The following CSMD2 variants were observed in gnomAD, a reference collection of about 807,000 sequenced individuals.
CSMD2 encodes CUB and sushi domain-containing protein 2.
Under a neutral mutation model 398.5 loss-of-function variants are expected in CSMD2, and 130 were observed. That is an observed-to-expected ratio of 0.33 (90% CI 0.28 to 0.38). CSMD2 has a LOEUF of 0.38. CSMD2 is among the 10% of genes least tolerant of loss of function. The pLI is 1.00. For synonymous variants in CSMD2, 1,828 were observed against 1,908.5 expected, an observed-to-expected ratio of 0.96 and a Z score of 1.10; for missense variants, 3,829 against 4,764.9, an observed-to-expected ratio of 0.80 and a Z score of 5.78.
Position 33,709,222 on chromosome 1 carries a change from G to A in CSMD2, c.3443C>T (p.Thr1148Ile). ...CACAGGAAAGTTGGGGGACAGCAAA[G>A]TACCCTGAGTGCCTGTGACTGAATT... Reference protein sequence around the residue: ...CGNSVTGTQGTLLSPNFPVNY... With the variant: ...CGNSVTGTQGILLSPNFPVNY... Residue 1148 changes from threonine to isoleucine, a missense_variant, in exon 22 of 71, where the codon ACT (threonine) becomes ATT (isoleucine). Around this residue, in one of 5 missense-constraint regions of CSMD2, gnomAD observed 2,001 missense variants for 2,567.1 expected, o/e 0.78. Transcript: ENST00000373381. 3 of 1,613,980 alleles carry A rather than the reference G, an allele frequency of 1.9e-6. No homozygotes were observed. The highest frequency in any genetic ancestry group is 2.5e-6 in the Non-Finnish European group (3 of 1,179,942).
At chr1:34,146,633 G>C (rs1639789593) in intron 1 of CSMD2, among the ~76,000 whole-genome samples, 1 of 152,196 alleles carries the variant, frequency 6.6e-6, no homozygotes, top group South Asian at 2.1e-4. Context: ...GCTTGAGAAT[G>C]ATTTGAGAAG....
intron 2 of CSMD2, among the ~76,000 whole-genome samples, chr1:34,040,695 C>T (rs1355313266): frequency 1.6e-4 from 25 of 152,158 alleles, no homozygotes; most frequent in Non-Finnish European, 1.2e-4. Flanking sequence ...CTAAGTAACA[C>T]TTAGTGACAT....
intron 5 of CSMD2, chr1:33,875,382 A>G (rs1640765846): frequency 1.3e-5 from 2 of 152,250 alleles, no homozygotes; most frequent in African/African-American, 4.8e-5. Flanking sequence ...TGTCATGCTC[A>G]TGACTGACAT....
intron 3 of CSMD2, among the ~76,000 whole-genome samples, chr1:33,965,808 A>G (rs1259406473): frequency 6.6e-6 from 1 of 152,206 alleles, no homozygotes; most frequent in Non-Finnish European, 1.5e-5. Flanking sequence ...GTGTGACCTC[A>G]CAGTTTGTGA....
At chr1:34,093,394 C>G (rs898784152) in intron 1 of CSMD2, among the ~76,000 whole-genome samples, 16 of 152,218 alleles carry the variant, frequency 1.1e-4, no homozygotes, top group Non-Finnish European at 2.1e-4. Flanking sequence ...AGCAACGGAA[C>G]AAAGCTGGAC....
chr1:33,519,544 C>T lies in CSMD2; in HGVS notation c.10870G>A (p.Val3624Ile), dbSNP rs769640452. The T allele has an allele frequency of 1.9e-6, 3 of 1,614,012 alleles. No individual in the cohort carries two copies. Among genetic ancestry groups the T allele is most frequent in the Admixed American group, 1.7e-5 (1 of 60,026 alleles). ...TATACTGCTGTGCACACTGTGCTGA[C>T]TGTGAACTCCGCCTCGCTGGCCATG... ...DIMASEAEFT[V>I]STVCTAV Residue 3624 changes from valine (V) to isoleucine (I), a missense_variant, in exon 70 of 71, where the codon GTC becomes ATC. Coordinates refer to ENST00000373381, the MANE Select transcript of CSMD2 (RefSeq NM_001281956.2). This position sits in a 1 kb window ranked among gnomAD's most constrained non-coding sequence, Gnocchi z 5.6.
At chr1:34,118,776 G>A (rs913032425) in intron 1 of CSMD2, among the ~76,000 whole-genome samples, 2 of 152,120 alleles carry the variant, frequency 1.3e-5, no homozygotes, top group African/African-American at 4.8e-5. Flanking sequence ...AGATATTAAA[G>A]AAAACACAAA....
At chr1:34,067,672 G>A (rs925217306) in intron 2 of CSMD2, among the ~76,000 whole-genome samples, 2 of 152,200 alleles carry the variant, frequency 1.3e-5, no homozygotes, top group Non-Finnish European at 2.9e-5. Context: ...GTGAAAGTTT[G>A]AGAAGCCCCT....
chr1:34,147,042 G>T (rs1295239400), intron 1 of CSMD2, among the ~76,000 whole-genome samples: 2 of 152,162 alleles, frequency 1.3e-5, no homozygotes, highest in African/African-American at 4.8e-5. Flanking sequence ...CGGATCATGA[G>T]ATCAAGAGAT....
intron 29 of CSMD2, among the ~76,000 whole-genome samples, chr1:33,643,889 T>TGAAG (rs3078758): frequency 0.073 from 10,452 of 142,806 alleles, 424 homozygotes; most frequent in Admixed American, 0.089. Context: ...AGTCTGGGAA[T>TGAAG]GAAGGAAGGA....
At chr1:33,985,059 T>C (rs983158259) in intron 3 of CSMD2, among the ~76,000 whole-genome samples, 2 of 152,212 alleles carry the variant, frequency 1.3e-5, no homozygotes, top group Non-Finnish European at 2.9e-5. Flanking sequence ...TTCCCATTGC[T>C]ATCGTACATG....
intron 1 of CSMD2, among the ~76,000 whole-genome samples, chr1:34,103,724 A>G (rs2148420442): frequency 6.6e-6 from 1 of 151,238 alleles, no homozygotes; most frequent in South Asian, 2.1e-4. Context: ...GGTTGGTGCA[A>G]AGGTAATTCC....
intron 51 of CSMD2, 56 bp from the exon 52 acceptor site, chr1:33,569,603 C>T (rs1446704555): frequency 5.2e-6 from 8 of 1,552,020 alleles, no homozygotes; most frequent in Non-Finnish European, 4.4e-6. Flanking sequence ...GACATGGCTG[C>T]TTCTGCTTAG....
chr1:34,022,973 G>A (rs560679976), intron 3 of CSMD2, among the ~76,000 whole-genome samples: 6 of 152,138 alleles, frequency 3.9e-5, no homozygotes, highest in South Asian at 4.2e-4. Flanking sequence ...GTAGGGCTAC[G>A]GGTACATACC....
At chr1:34,126,998 C>T (rs1571204133) in intron 1 of CSMD2, among the ~76,000 whole-genome samples, 1 of 151,804 alleles carries the variant, frequency 6.6e-6, no homozygotes, top group African/African-American at 2.4e-5. Flanking sequence ...AGAGTGAGAC[C>T]GCAAGCCAGG....
intron 5 of CSMD2, among the ~76,000 whole-genome samples, chr1:33,868,315 TACTC>T (rs762115784): frequency 1.4e-4 from 21 of 152,352 alleles, no homozygotes; most frequent in African/African-American, 2.9e-4. Context: ...TTAATTTACT[TACTC>T]ATTCATTCAA....
intron 11 of CSMD2, among the ~76,000 whole-genome samples, chr1:33,789,230 G>C (rs749577878): frequency 6.6e-6 from 1 of 151,484 alleles, no homozygotes; most frequent in Non-Finnish European, 1.5e-5. Flanking sequence ...ACAAGGCTTA[G>C]AGTGTAGTCA....
intron 5 of CSMD2, among the ~76,000 whole-genome samples, chr1:33,857,574 G>C (rs1441820042): frequency 6.6e-6 from 1 of 152,064 alleles, no homozygotes; most frequent in Non-Finnish European, 1.5e-5. Context: ...GCTTGAGGCT[G>C]GAGCCATGAC....
intron 28 of CSMD2, 138 bp downstream of exon 28, chr1:33,652,185 C>T: frequency 3.9e-6 from 3 of 764,266 alleles, no homozygotes; most frequent in East Asian, 5.2e-5. Context: ...ATGCTAGTTT[C>T]TCTCTCTCTC....
Sources: gnomAD v4.1 joint callset for allele counts (sites outside exome capture counted in the v4.1 genomes callset) on GRCh38, gnomAD v4.1.1 for gene constraint, gnomAD v4.1.1 regional missense constraint, Gnocchi (gnomAD v3.1) non-coding constraint, MANE v1.5 for transcripts, NCBI Gene and HGNC (gene_info 2026-07-23, HGNC 2026-07-21) for gene names.